The following PRRX1 variants were observed in gnomAD, a reference collection of about 807,000 sequenced individuals.
PRRX1 encodes the protein paired related homeobox 1.
A neutral mutation model predicts 24.0 loss-of-function variants in PRRX1; 8 were observed. That is an observed-to-expected ratio of 0.33 (90% CI 0.20 to 0.60). The LOEUF is 0.60. Among genes scored for constraint, PRRX1 ranks in the 20% least tolerant of loss-of-function variants. The pLI is 0.82. For missense variants in PRRX1, 281 were observed against 322.4 expected, an observed-to-expected ratio of 0.87 and a Z score of 0.98; for synonymous variants, 160 against 131.7, an observed-to-expected ratio of 1.22 and a Z score of -1.47.
chr1:170,664,088 C>CCTCTCTCCCTCTTTCTCTCTCT, upstream of PRRX1: 1 of 661,376 alleles, frequency 1.5e-6, no homozygotes, highest in Non-Finnish European at 2.2e-6. Flanking sequence ...CCTCTTCCTC[C>CCTCTCTCCCTCTTTCTCTCTCT]CTCTCTCTCT....
chr1:170,724,783 T>G (rs1655200751), intron 2 of PRRX1, among the ~76,000 whole-genome samples: 1 of 152,210 alleles, frequency 6.6e-6, no homozygotes, highest in Non-Finnish European at 1.5e-5. Context: ...TCGTTCTATA[T>G]AAATTTTAAA....
At chr1:170,677,330 GC>G (rs1653357804) in intron 1 of PRRX1, among the ~76,000 whole-genome samples, 1 of 152,142 alleles carries the variant, frequency 6.6e-6, no homozygotes, top group African/African-American at 2.4e-5. Context: ...AATGATGTAA[GC>G]AAAATGCCTA....
intron 1 of PRRX1, among the ~76,000 whole-genome samples, chr1:170,715,442 T>A (rs893666442): frequency 9.8e-5 from 15 of 152,296 alleles, no homozygotes; most frequent in Admixed American, 1.3e-4. Flanking sequence ...CCATAATTTT[T>A]AAAAAGTATT....
chr1:170,722,405 A>G (rs1410927041), intron 2 of PRRX1, among the ~76,000 whole-genome samples: 1 of 152,122 alleles, frequency 6.6e-6, no homozygotes, highest in Non-Finnish European at 1.5e-5. Context: ...CTTATCAAGC[A>G]CATATTATAC....
intron 3 of PRRX1, among the ~76,000 whole-genome samples, chr1:170,731,717 G>A (rs747460540): frequency 3.3e-5 from 5 of 152,116 alleles, no homozygotes; most frequent in Non-Finnish European, 5.9e-5. Context: ...CTCTGCTAGT[G>A]GTTAGCATTC....
Position 170,694,994 on chromosome 1 carries a change from G to A in PRRX1, c.242-24732G>A, listed in dbSNP as rs571570394. Among the ~76,000 whole-genome samples, 4 of 152,270 alleles carry A rather than the reference G, an allele frequency of 2.6e-5. No individual in the cohort carries two copies. In the East Asian group the frequency reaches 7.7e-4, roughly 29 times the overall value. ...ACATAGTCTAACAATCCGATGCATTGGGAGATATGCTGTGGTGATCTGACC... is the reference window on the plus strand; with the variant it reads ...ACATAGTCTAACAATCCGATGCATTAGGAGATATGCTGTGGTGATCTGACC... On this transcript the variant is annotated intron_variant, in intron 1 of 3. Transcript: ENST00000239461.
intron 1 of PRRX1, among the ~76,000 whole-genome samples, chr1:170,682,583 T>A (rs1653590195): frequency 6.6e-6 from 1 of 152,164 alleles, no homozygotes; most frequent in Admixed American, 6.5e-5. Flanking sequence ...CAGACTTCCA[T>A]GCCCATCTCT....
At chr1:170,673,423 C>T (rs1653207183) in intron 1 of PRRX1, among the ~76,000 whole-genome samples, 1 of 152,172 alleles carries the variant, frequency 6.6e-6, no homozygotes, top group African/African-American at 2.4e-5. Context: ...ATGAGCTCTC[C>T]ATCCTTGGTG....
intron 3 of PRRX1, among the ~76,000 whole-genome samples, chr1:170,729,582 A>C (rs565061945): frequency 6.6e-6 from 1 of 152,138 alleles, no homozygotes; most frequent in South Asian, 2.1e-4. Flanking sequence ...GTGAAAGGGG[A>C]GCATTATTAA....
chr1:170,715,610 A>G (rs972651360), intron 1 of PRRX1, among the ~76,000 whole-genome samples: 1 of 152,190 alleles, frequency 6.6e-6, no homozygotes, highest in Non-Finnish European at 1.5e-5. Context: ...ATCTCCTATG[A>G]TTGTGGGAGA....
At chr1:170,693,896 C>A (rs561241366) in intron 1 of PRRX1, among the ~76,000 whole-genome samples, 9 of 151,842 alleles carry the variant, frequency 5.9e-5, no homozygotes, top group South Asian at 4.2e-4. Flanking sequence ...TTTGTGCCCA[C>A]AAAGAAAAAT....
intron 1 of PRRX1, among the ~76,000 whole-genome samples, chr1:170,682,789 G>T (rs898104308): frequency 6.6e-6 from 1 of 152,168 alleles, no homozygotes; most frequent in Non-Finnish European, 1.5e-5. Context: ...ACCTAGATAA[G>T]TAATTCAATT....
rs767825085 is a variant in PRRX1, at chr1:170,719,712, G to A, written c.242-14G>A. ...GTGAATTTGGCTTCTTTTCATCATT[G>A]TGTTCTATTCCAGATGACCAGCTGA... On this transcript the variant is annotated splice_polypyrimidine_tract_variant and intron_variant, in intron 1 of 3. Transcript: ENST00000239461. 1.5e-5 allele frequency: 24 copies of A among 1,613,626 alleles called. No homozygotes were observed. Among genetic ancestry groups the A allele is most frequent in the Non-Finnish European group, 1.9e-5 (23 of 1,179,798 alleles).
chr1:170,701,967 G>T (rs999136963), intron 1 of PRRX1, among the ~76,000 whole-genome samples: 7 of 151,738 alleles, frequency 4.6e-5, no homozygotes, highest in Non-Finnish European at 1.0e-4. Flanking sequence ...TGACACCAGG[G>T]ACCGGTTTCA....
At chr1:170,720,033 T>C in intron 2 of PRRX1, 132 bp downstream of exon 2, 1 of 1,221,804 alleles carries the variant, frequency 8.2e-7, no homozygotes. Context: ...GTTGGGAGGT[T>C]GAGGCAGGCA....
chr1:170,691,005 G>C (rs1653928008), intron 1 of PRRX1, among the ~76,000 whole-genome samples: 1 of 152,112 alleles, frequency 6.6e-6, no homozygotes, highest in Admixed American at 6.6e-5. Context: ...AAAGAGGCTT[G>C]AGAGGATAAT....
intron 3 of PRRX1, chr1:170,728,540 T>C (rs1431471564): frequency 6.6e-6 from 1 of 152,224 alleles, no homozygotes; most frequent in Admixed American, 6.5e-5. Flanking sequence ...TAGTACATTT[T>C]ACTCATTTCT....
chr1:170,712,743 A>G (rs1038809048), intron 1 of PRRX1, among the ~76,000 whole-genome samples: 4 of 152,194 alleles, frequency 2.6e-5, no homozygotes, highest in Non-Finnish European at 2.9e-5. Context: ...CAAGTGAAAC[A>G]TCTTATCCAA....
At chr1:170,692,488 A>G (rs1654021962) in intron 1 of PRRX1, among the ~76,000 whole-genome samples, 1 of 151,332 alleles carries the variant, frequency 6.6e-6, no homozygotes, top group African/African-American at 2.4e-5. Context: ...TTATTCTTAA[A>G]TTGTTGTGTG....
Sources: gnomAD v4.1 joint callset for allele counts (sites outside exome capture counted in the v4.1 genomes callset) on GRCh38, gnomAD v4.1.1 for gene constraint, MANE v1.5 for transcripts, NCBI Gene and HGNC (gene_info 2026-07-23, HGNC 2026-07-21) for gene names.